The following USP37 variants were observed in gnomAD, a reference collection of about 807,000 sequenced individuals.
The protein encoded by USP37 is ubiquitin specific peptidase 37, also known as ubiquitin carboxyl-terminal hydrolase 37.
Under a neutral mutation model 124.0 loss-of-function variants are expected in USP37, and 27 were observed. That is an observed-to-expected ratio of 0.22 (90% CI 0.16 to 0.30). The LOEUF (loss-of-function observed/expected upper bound fraction) is 0.30, where lower values mean the gene tolerates loss of function less well. USP37 is among the 10% of genes least tolerant of loss of function. The probability of loss-of-function intolerance (pLI) is 1.00; values close to 1 mark genes in which losing one functional copy is unlikely to be tolerated. For missense variants in USP37, 889 were observed against 1,140.4 expected (o/e 0.78, Z 3.17); for synonymous variants, 365 against 388.0 (o/e 0.94, Z 0.70).
rs753628650 is a variant in USP37 at position 218,547,011 on chromosome 2, C to T, written c.510G>A (p.Ser170=). 2.4e-5 allele frequency: 38 copies of T among 1,613,470 alleles called. No individual in the cohort carries two copies. In the Admixed American group the frequency reaches 6.0e-4, roughly 26 times the overall value. ...RKVLGNPGRG[S]IKTVAGSGIA... ...TTCCACTTCCTGCTACAGTCTTAAT[C>T]GATCCTCTACCCGGATTACCAAGAA... The change falls in exon 7 of 26, where the codon TCG becomes TCA. Residue 170 remains serine, a synonymous_variant. Transcript: ENST00000258399.
intron 8 of USP37, among the ~76,000 whole-genome samples, chr2:218,544,005 A>G (rs1381876278): frequency 6.6e-6 from 1 of 152,172 alleles, no homozygotes; most frequent in Non-Finnish European, 1.5e-5. Flanking sequence ...TATTAGCAGA[A>G]GCTGGGTAAG....
intron 19 of USP37, 129 bp from the exon 20 acceptor site, chr2:218,475,014 T>C (rs1690889104): frequency 1.2e-6 from 1 of 867,008 alleles, no homozygotes; most frequent in African/African-American, 1.7e-5. Flanking sequence ...TATTTAACAA[T>C]CAATAACCAA....
chr2:218,504,996 C>T (rs1251380332), intron 11 of USP37, among the ~76,000 whole-genome samples: 1 of 152,052 alleles, frequency 6.6e-6, no homozygotes, highest in Non-Finnish European at 1.5e-5. Flanking sequence ...CTTTTAGTTG[C>T]AATCTTACTA....
At chr2:218,543,380 T>C (rs1692094517) in intron 8 of USP37, among the ~76,000 whole-genome samples, 1 of 151,564 alleles carries the variant, frequency 6.6e-6, no homozygotes, top group Non-Finnish European at 1.5e-5. Context: ...TGCACGCCTG[T>C]AATCCCAGCT....
intron 20 of USP37, among the ~76,000 whole-genome samples, chr2:218,471,219 G>T (rs116747303): frequency 1.3e-5 from 2 of 152,096 alleles, no homozygotes; most frequent in African/African-American, 2.4e-5. Flanking sequence ...AGGCTACTGC[G>T]ACAGAAGAAA....
At chr2:218,495,734 GA>G in intron 14 of USP37, 25 bp downstream of exon 14, 1 of 1,570,606 alleles carries the variant, frequency 6.4e-7, no homozygotes, top group Non-Finnish European at 8.6e-7. Flanking sequence ...AGTAAAAAGG[GA>G]AATCATTTCT....
chr2:218,543,925 A>T (rs1189824548), intron 8 of USP37, among the ~76,000 whole-genome samples: 2 of 152,236 alleles, frequency 1.3e-5, no homozygotes, highest in African/African-American at 2.4e-5. Flanking sequence ...ATTGCTTTTG[A>T]TTCTCAAACT....
intron 21 of USP37, among the ~76,000 whole-genome samples, 164 bp from the exon 22 acceptor site, chr2:218,463,530 C>CTTTTTTTTT (rs778154896): frequency 2.0e-5 from 2 of 99,096 alleles, no homozygotes; most frequent in African/African-American, 4.3e-5. Context: ...AAGTTCTTTA[C>CTTTTTTTTT]TTTTTTTTTT....
chr2:218,462,717 T>C (rs544303792), intron 22 of USP37, among the ~76,000 whole-genome samples: 1 of 152,154 alleles, frequency 6.6e-6, no homozygotes, highest in African/African-American at 2.4e-5. Flanking sequence ...TTAAAAAACA[T>C]ATTGTTAGAG....
chr2:218,469,969 C>T (rs967363611), intron 20 of USP37, among the ~76,000 whole-genome samples: 2 of 151,736 alleles, frequency 1.3e-5, no homozygotes, highest in Non-Finnish European at 2.9e-5. Context: ...TACAGGCGAC[C>T]GCCACCATGC....
At chr2:218,526,785 CTTTTTTTTTTT>C (rs71064454) in intron 10 of USP37, among the ~76,000 whole-genome samples, 78 of 75,924 alleles carry the variant, frequency 1.0e-3, no homozygotes, top group African/African-American at 4.2e-3. Context: ...ATTTCATTTG[CTTTTTTTTTTT>C]TTTTTTTTTT....
intron 17 of USP37, among the ~76,000 whole-genome samples, chr2:218,480,304 G>A (rs543015873): frequency 6.6e-5 from 10 of 151,104 alleles, no homozygotes; most frequent in African/African-American, 1.7e-4. Flanking sequence ...GGAGGCTGAC[G>A]CAGGAGAATG....
At chr2:218,532,740 G>C (rs1691405151) in intron 9 of USP37, among the ~76,000 whole-genome samples, 1 of 151,960 alleles carries the variant, frequency 6.6e-6, no homozygotes, top group Admixed American at 6.6e-5. Context: ...ACCAGCCTGG[G>C]CCATACGGCA....
intron 20 of USP37, among the ~76,000 whole-genome samples, chr2:218,467,139 G>GTATA (rs1690372765): frequency 6.6e-6 from 1 of 151,890 alleles, no homozygotes; most frequent in Non-Finnish European, 1.5e-5. Context: ...TACAGTGTGT[G>GTATA]TTTAAAACAT....
At chr2:218,482,280 T>C (rs186988235) in intron 16 of USP37, 46 bp from the exon 17 acceptor site, 19 of 1,560,326 alleles carry the variant, frequency 1.2e-5, no homozygotes, top group African/African-American at 2.7e-5. Flanking sequence ...ACATAATACA[T>C]GTATCTTTCT....
At chr2:218,498,267 A>G in intron 11 of USP37, 110 bp from the exon 12 acceptor site, 1 of 1,167,652 alleles carries the variant, frequency 8.6e-7, no homozygotes, top group Non-Finnish European at 1.2e-6. Flanking sequence ...AGGGCTTGTT[A>G]AACTACATAT....
At chr2:218,495,481 G>C (rs956911660) in intron 14 of USP37, among the ~76,000 whole-genome samples, 1 of 152,142 alleles carries the variant, frequency 6.6e-6, no homozygotes, top group Non-Finnish European at 1.5e-5. Context: ...AAAAAGGTTT[G>C]ATATAATCTG....
chr2:218,556,551 T>C (rs1692993535), intron 4 of USP37, among the ~76,000 whole-genome samples: 1 of 145,702 alleles, frequency 6.9e-6, no homozygotes, highest in African/African-American at 2.5e-5. Context: ...TTCGCTCTTG[T>C]TGCCCAGGCT....
chr2:218,564,327 T>A (rs1693469998), intron 1 of USP37, among the ~76,000 whole-genome samples: 1 of 152,220 alleles, frequency 6.6e-6, no homozygotes, highest in Non-Finnish European at 1.5e-5. Context: ...ATTTAATTTT[T>A]AAAATAATCC....
Sources: allele counts gnomAD v4.1 joint callset (sites outside exome capture counted in the v4.1 genomes callset), GRCh38; gene constraint gnomAD v4.1.1; transcripts MANE v1.5; gene names NCBI Gene and HGNC (gene_info 2026-07-23, HGNC 2026-07-21).